The following TBCD variants were observed in gnomAD, a reference collection of about 807,000 sequenced individuals.
TBCD encodes the protein tubulin folding cofactor D.
Under a neutral mutation model 169.3 loss-of-function variants are expected in TBCD, and 105 were observed. The ratio of observed to expected loss-of-function variants is 0.62; its 90% CI spans 0.53 to 0.73. The LOEUF (loss-of-function observed/expected upper bound fraction) is 0.73. Ranked by LOEUF, TBCD falls within the 30% of genes least tolerant of loss-of-function variation. The pLI is 0.00. For synonymous variants in TBCD, 700 were observed against 643.9 expected, an observed-to-expected ratio of 1.09 and a Z score of -1.32; for missense variants, 1,444 against 1,600.1, an observed-to-expected ratio of 0.90 and a Z score of 1.66.
At chr17:82,927,445 T>C in intron 29 of TBCD, 122 bp downstream of exon 29, 2 of 1,359,838 alleles carry the variant, frequency 1.5e-6, no homozygotes, top group Non-Finnish European at 2.0e-6. Context: ...GTTTTGCGTT[T>C]TAAAGGCTCT....
chr17:82,773,990 A>G (rs1208130716), intron 6 of TBCD, among the ~76,000 whole-genome samples: 2 of 150,344 alleles, frequency 1.3e-5, no homozygotes, highest in African/African-American at 2.4e-5. Context: ...CGGCCTCCCA[A>G]AGTGCTGAGA....
chr17:82,834,902 A>T (rs1418914966), intron 13 of TBCD, among the ~76,000 whole-genome samples: 1 of 152,120 alleles, frequency 6.6e-6, no homozygotes, highest in African/African-American at 2.4e-5. Flanking sequence ...ACATTAAAGT[A>T]AAGTTAAATG....
chr17:82,932,462 G>A (rs969051109), intron 33 of TBCD, among the ~76,000 whole-genome samples, 196 bp from the exon 34 acceptor site: 1 of 152,198 alleles, frequency 6.6e-6, no homozygotes, highest in Non-Finnish European at 1.5e-5. Flanking sequence ...CATCATTTTC[G>A]AAGTTCAGCG....
chr17:82,935,709 GTGC>G (rs577823965), intron 34 of TBCD, among the ~76,000 whole-genome samples: 1 of 152,228 alleles, frequency 6.6e-6, no homozygotes, highest in Non-Finnish European at 1.5e-5. Context: ...CTTGAGTTAT[GTGC>G]TGCTATTGTC....
chr17:82,812,382 G>A (rs2051511243), intron 12 of TBCD, among the ~76,000 whole-genome samples: 1 of 152,110 alleles, frequency 6.6e-6, no homozygotes, highest in African/African-American at 2.4e-5. Context: ...TGAGCTTTAC[G>A]GTTTCATCGA....
chr17:82,877,486 C>T (rs944043455), intron 14 of TBCD, among the ~76,000 whole-genome samples: 1 of 152,004 alleles, frequency 6.6e-6, no homozygotes, highest in African/African-American at 2.4e-5. Context: ...ATTACAGGTG[C>T]GCATCACCAC....
intron 13 of TBCD, among the ~76,000 whole-genome samples, chr17:82,853,949 C>T (rs906443955): frequency 1.3e-5 from 2 of 152,084 alleles, no homozygotes; most frequent in Non-Finnish European, 2.9e-5. Flanking sequence ...AACCCAGTCC[C>T]ATTCCACATC....
chr17:82,911,528 G>A (rs2060641995), intron 22 of TBCD, among the ~76,000 whole-genome samples: 1 of 152,250 alleles, frequency 6.6e-6, no homozygotes, highest in Non-Finnish European at 1.5e-5. Flanking sequence ...AGAATGTCCA[G>A]TAAAAATTAA....
chr17:82,836,003 T>C (rs932334393), intron 13 of TBCD, among the ~76,000 whole-genome samples: 3 of 152,192 alleles, frequency 2.0e-5, no homozygotes, highest in Non-Finnish European at 2.9e-5. Flanking sequence ...TCTCCCACCG[T>C]GGGCTGCCAC....
At chr17:82,926,527 C>G (rs1164565178) in intron 28 of TBCD, 36 bp downstream of exon 28, 5 of 1,577,444 alleles carry the variant, frequency 3.2e-6, no homozygotes, top group African/African-American at 1.3e-5. Context: ...AGTCGTAAGT[C>G]TCTGAAAGGC....
At chr17:82,873,582 C>T (rs544142082) in intron 14 of TBCD, among the ~76,000 whole-genome samples, 4 of 152,304 alleles carry the variant, frequency 2.6e-5, no homozygotes, top group South Asian at 2.1e-4. Flanking sequence ...AGAAAAGTCA[C>T]GAGCAAGAAA....
At chr17:82,753,321 C>T (rs982568641) in intron 1 of TBCD, among the ~76,000 whole-genome samples, 1 of 151,982 alleles carries the variant, frequency 6.6e-6, no homozygotes, top group Non-Finnish European at 1.5e-5. Flanking sequence ...CCTGTTTCTT[C>T]GGGTGTAAGC....
At chr17:82,808,048 G>A (rs562745246) in intron 11 of TBCD, among the ~76,000 whole-genome samples, 1 of 152,336 alleles carries the variant, frequency 6.6e-6, no homozygotes, top group Non-Finnish European at 1.5e-5. Flanking sequence ...GTGAGCAGGT[G>A]CCAGTCCCTC....
chr17:82,893,951 C>T (rs76469370), intron 17 of TBCD, among the ~76,000 whole-genome samples: 16,175 of 152,234 alleles, frequency 0.11, 1,149 homozygotes, highest in South Asian at 0.29. Flanking sequence ...CCGTTTTACC[C>T]GTGCTGGTTC....
intron 16 of TBCD, among the ~76,000 whole-genome samples, chr17:82,892,898 G>A (rs1452599573): frequency 6.6e-6 from 1 of 152,208 alleles, no homozygotes; most frequent in Non-Finnish European, 1.5e-5. Context: ...GCTCCACTGG[G>A]AGGCTGTCGT....
chr17:82,798,067 C>G (rs1468425055), intron 8 of TBCD, among the ~76,000 whole-genome samples: 1 of 146,178 alleles, frequency 6.8e-6, no homozygotes, highest in Non-Finnish European at 1.5e-5. Flanking sequence ...GCCTCCGCGT[C>G]CTGGGTTCAA....
At chr17:82,774,154 T>C (rs562357261) in intron 6 of TBCD, among the ~76,000 whole-genome samples, 3 of 151,814 alleles carry the variant, frequency 2.0e-5, no homozygotes, top group East Asian at 1.9e-4. Flanking sequence ...CAGATAAACA[T>C]GTGAACAAAG....
Position 82,908,163 on chromosome 17 carries a change from G to A in TBCD, c.1983+342G>A, listed in dbSNP as rs183788975. ...AGGTTTCGGCTGCAGCTGGAGTGTG[G>A]TTTCCCTCCGGGGCGCGCGGCTGCG... On this transcript the variant is annotated intron_variant, in intron 21 of 38. Coordinates refer to ENST00000355528, the MANE Select transcript of TBCD (RefSeq NM_005993.5). The A allele has an allele frequency of 7.8e-3, 3,051 of 391,578 alleles. 26 individuals are homozygous for A. The highest frequency in any genetic ancestry group is 0.011 in the Non-Finnish European group (2,181 of 203,328). The allele number at this position is 391,578 out of a possible 1,614,324, so 24.3% of individuals were successfully genotyped here. A position where few individuals can be genotyped will look rare whatever the true frequency, so the allele number is the denominator to read the frequency against.
rs2049529488 is a variant in TBCD at position 82,789,309 on chromosome 17, G to A, written c.771+7588G>A. Among the ~76,000 whole-genome samples, 1 of 152,226 alleles carries A rather than the reference G, an allele frequency of 6.6e-6. No individual in the cohort carries two copies. The highest frequency in any genetic ancestry group is 1.5e-5 in the Non-Finnish European group (1 of 68,042). ...TGAGTCTTACAGAAACCTGCATGGT[G>A]AGCCGCACGCCTTTGAGTCCCCATC... On this transcript the variant is annotated intron_variant, in intron 7 of 38. Coordinates refer to ENST00000355528, the MANE Select transcript of TBCD (RefSeq NM_005993.5). The surrounding 1 kb of genome is among the most constrained non-coding windows in gnomAD (Gnocchi z 4.8).
Sources: allele counts gnomAD v4.1 joint callset (sites outside exome capture counted in the v4.1 genomes callset), GRCh38; gene constraint gnomAD v4.1.1; non-coding constraint Gnocchi (gnomAD v3.1); transcripts MANE v1.5; gene names NCBI Gene and HGNC (gene_info 2026-07-23, HGNC 2026-07-21).